ZNF280D: variants seen among roughly 807,000 people sequenced by gnomAD.
ZNF280D encodes the protein suppressor of hairy wing homolog 4.
A neutral mutation model predicts 94.7 loss-of-function variants in ZNF280D; 39 were observed. The ratio of observed to expected loss-of-function variants is 0.41; its 90% confidence interval spans 0.32 to 0.54. The LOEUF is 0.54. Ranked by LOEUF, ZNF280D falls within the 20% of genes least tolerant of loss-of-function variation. The pLI is 0.22. For synonymous variants in ZNF280D, 398 were observed against 377.6 expected (o/e 1.05, Z -0.63); for missense variants, 1,090 against 1,149.3 (o/e 0.95, Z 0.75).
chr15:56,642,862 G>T, intron 20 of ZNF280D, 90 bp downstream of exon 20: 3 of 764,708 alleles, frequency 3.9e-6, no homozygotes, highest in Non-Finnish European at 3.9e-6. Context: ...GTTGATGTAT[G>T]CATGCTGAAA....
At position 56,678,209 on chromosome 15, in the gene ZNF280D, T is replaced by C. The variant is rs1024273841; in HGVS notation, c.1162+455A>G. Reference sequence around the variant, plus strand: ...TTTTAGTAGAGACGGGGTTTTGCCATGTTGGCCAGGCTGGTCTCAAACTCC... The same window carrying C: ...TTTTAGTAGAGACGGGGTTTTGCCACGTTGGCCAGGCTGGTCTCAAACTCC... On this transcript the variant is annotated intron_variant, in intron 11 of 21. Coordinates refer to ENST00000267807, the MANE Select transcript of ZNF280D (RefSeq NM_017661.4). 3.3e-5 allele frequency among the ~76,000 whole-genome samples: 5 copies of C among 152,120 alleles called. No individual in the cohort carries two copies. In the South Asian group the frequency reaches 1.0e-3, roughly 31 times the overall value.
intron 14 of ZNF280D, chr15:56,668,293 A>C (rs1364585000): frequency 1.1e-5 from 4 of 377,904 alleles, no homozygotes; most frequent in East Asian, 8.1e-5. Flanking sequence ...AAAAAGGGAA[A>C]AGTAAATTAC....
Position 56,631,682 on chromosome 15 carries a change from T to G in ZNF280D, c.2756A>C (p.Glu919Ala). ...AAGTACCTCGGATGGAGTCAGAGGT[T>G]CCAAATGAATACTGCCTTGCTCGCT... ...DVSEQGSIHL[E>A]PLTPSEVLEY... is the part of the protein sequence containing the mutation. Residue 919 changes from glutamate to alanine, a missense_variant, in exon 22 of 22, where the codon GAA (glutamate) becomes GCA (alanine). Glu to Ala is a moderately radical substitution (Grantham distance 107). Coordinates refer to ENST00000267807, the MANE Select transcript of ZNF280D (RefSeq NM_017661.4). 1 of 1,614,142 alleles carries G rather than the reference T, an allele frequency of 6.2e-7. No homozygotes were observed.
At chr15:56,654,084 C>G in intron 19 of ZNF280D, 114 bp downstream of exon 19, 1 of 1,461,456 alleles carries the variant, frequency 6.8e-7, no homozygotes, top group Non-Finnish European at 9.0e-7. Context: ...AAAAAAAAAA[C>G]AAAAAAACAA....
chr15:56,733,438 G>C lies in ZNF280D; in HGVS notation c.-86+20C>G. On this transcript the variant is annotated intron_variant, in intron 1 of 21. Transcript: ENST00000267807. ...CTGCCTGCTGCAGCGCAGGGCGGGCGGGGGCGGGGGGGCGCTTACCGTGAG... is the reference window on the plus strand; with the variant it reads ...CTGCCTGCTGCAGCGCAGGGCGGGCCGGGGCGGGGGGGCGCTTACCGTGAG... 1 of 1,055,078 alleles carries C rather than the reference G, an allele frequency of 9.5e-7. No individual in the cohort carries two copies. Among genetic ancestry groups the C allele is most frequent in the Non-Finnish European group, 1.2e-6 (1 of 869,410 alleles). The allele number at this position is 1,055,078 out of a possible 1,614,324, so 65.4% of individuals were successfully genotyped here. A position where few individuals can be genotyped will look rare whatever the true frequency, so the allele number is the denominator to read the frequency against.
intron 9 of ZNF280D, among the ~76,000 whole-genome samples, chr15:56,683,370 A>G (rs1425272127): frequency 2.0e-5 from 3 of 152,150 alleles, no homozygotes; most frequent in Non-Finnish European, 4.4e-5. Flanking sequence ...AAGGTTTTAT[A>G]GGAGGATAGA....
intron 1 of ZNF280D, among the ~76,000 whole-genome samples, chr15:56,732,208 G>C (rs2058926309): frequency 6.6e-6 from 1 of 152,110 alleles, no homozygotes; most frequent in Non-Finnish European, 1.5e-5. Flanking sequence ...CCTCATTAAA[G>C]TCCTCTCCCT....
At chr15:56,697,733 T>C (rs2056837294) in intron 6 of ZNF280D, 2 of 152,204 alleles carry the variant, frequency 1.3e-5, no homozygotes, top group Non-Finnish European at 2.9e-5. Flanking sequence ...ATATTTTCCA[T>C]ATTAGAAATT....
chr15:56,645,766 C>T (rs1443404493), intron 19 of ZNF280D, among the ~76,000 whole-genome samples: 1 of 152,052 alleles, frequency 6.6e-6, no homozygotes. Context: ...AGGCTGGTCT[C>T]GAACTCCTGA....
chr15:56,731,826 C>T (rs138320611), intron 1 of ZNF280D, among the ~76,000 whole-genome samples: 2 of 152,124 alleles, frequency 1.3e-5, no homozygotes, highest in Admixed American at 1.3e-4. Flanking sequence ...TTTAACTTTC[C>T]AATATTTTCG....
At chr15:56,642,882 A>C (rs2052698176) in intron 20 of ZNF280D, 70 bp downstream of exon 20, 27 of 1,201,008 alleles carry the variant, frequency 2.2e-5, no homozygotes, top group Non-Finnish European at 3.0e-5. Context: ...ATTGAAAAAA[A>C]ATTTTATATC....
chr15:56,723,228 T>TAATA (rs1446046663), intron 1 of ZNF280D, among the ~76,000 whole-genome samples: 1 of 105,444 alleles, frequency 9.5e-6, no homozygotes, highest in Non-Finnish European at 2.2e-5. Flanking sequence ...TAAAGTATAA[T>TAATA]AATAAAAAAA....
chr15:56,716,886 A>G lies in ZNF280D; in HGVS notation c.-85-9580T>C, dbSNP rs183068956. 5.1e-3 allele frequency among the ~76,000 whole-genome samples: 775 copies of G among 152,302 alleles called. 4 individuals are homozygous for G. Among genetic ancestry groups the G allele is most frequent in the Non-Finnish European group, 9.3e-3 (630 of 68,020 alleles). On this transcript the variant is annotated intron_variant, in intron 1 of 21. Coordinates refer to ENST00000267807, the MANE Select transcript of ZNF280D (RefSeq NM_017661.4). ...AATAACTACAGGCATAATTCACACAATATCATGTGAATCTGGTTTCTTTCT... is the reference window on the plus strand; with the variant it reads ...AATAACTACAGGCATAATTCACACAGTATCATGTGAATCTGGTTTCTTTCT...
rs779993533 is a variant in ZNF280D, at chr15:56,724,481, T to G, written c.-86+8977A>C. 2.0e-5 allele frequency among the ~76,000 whole-genome samples: 3 copies of G among 152,300 alleles called. No individual in the cohort carries two copies. The South Asian group carries it at 6.2e-4, about 32-fold the overall frequency. ...GCCTGTAAGGCTCACCTGCATTGTA[T>G]AGCCCAAATAGAAGAGAACATGTAA... is the stretch of plus-strand genomic sequence containing the variant. On this transcript the variant is annotated intron_variant, in intron 1 of 21. Transcript: ENST00000267807.
intron 13 of ZNF280D, among the ~76,000 whole-genome samples, 198 bp from the exon 14 acceptor site, chr15:56,669,155 C>G (rs2054504601): frequency 6.6e-6 from 1 of 151,948 alleles, no homozygotes; most frequent in Non-Finnish European, 1.5e-5. Context: ...AAAGTGTTCG[C>G]TACTATGTAA....
intron 10 of ZNF280D, among the ~76,000 whole-genome samples, chr15:56,681,020 A>C (rs1244494646): frequency 6.6e-6 from 1 of 152,204 alleles, no homozygotes; most frequent in East Asian, 1.9e-4. Flanking sequence ...CTTTTGTTAA[A>C]CTACTGCAAC....
chr15:56,717,948 G>C (rs2058135506), intron 1 of ZNF280D, among the ~76,000 whole-genome samples: 1 of 152,072 alleles, frequency 6.6e-6, no homozygotes, highest in African/African-American at 2.4e-5. Context: ...CTCTAGGTGA[G>C]AAAGATCATC....
intron 1 of ZNF280D, among the ~76,000 whole-genome samples, chr15:56,712,346 A>G (rs1596622471): frequency 6.6e-6 from 1 of 152,222 alleles, no homozygotes; most frequent in South Asian, 2.1e-4. Context: ...TTCTATTAAG[A>G]AAAAAACGTT....
intron 1 of ZNF280D, chr15:56,724,877 AT>A: frequency 2.2e-5 from 10 of 453,402 alleles, no homozygotes; most frequent in South Asian, 6.2e-5. Flanking sequence ...TGTCAGATCT[AT>A]TTTTTTTCTC....
Sources: allele counts gnomAD v4.1 joint callset (sites outside exome capture counted in the v4.1 genomes callset), GRCh38; gene constraint gnomAD v4.1.1; transcripts MANE v1.5; gene names NCBI Gene and HGNC (gene_info 2026-07-23, HGNC 2026-07-21).